The following UBE3B variants were observed in gnomAD, a reference collection of about 807,000 sequenced individuals.
UBE3B encodes ubiquitin protein ligase E3B, also known as ubiquitin-protein ligase E3B.
A neutral mutation model predicts 132.3 loss-of-function variants in UBE3B; 80 were observed. The ratio of observed to expected loss-of-function variants is 0.60; its 90% CI spans 0.50 to 0.73. UBE3B has a LOEUF of 0.73. Among genes scored for constraint, UBE3B ranks in the 30% least tolerant of loss-of-function variants. The probability of loss-of-function intolerance (pLI) is 0.00; values close to 1 mark genes in which losing one functional copy is unlikely to be tolerated. For synonymous variants in UBE3B, 487 were observed against 520.4 expected, an observed-to-expected ratio of 0.94 and a Z score of 0.87; for missense variants, 1,196 against 1,362.5, an observed-to-expected ratio of 0.88 and a Z score of 1.92.
chr12:109,522,665 C>T lies in UBE3B; in HGVS notation c.2364+1114C>T, dbSNP rs1046870412. On this transcript the variant is annotated intron_variant, in intron 21 of 27. Coordinates refer to ENST00000342494, the MANE Select transcript of UBE3B (RefSeq NM_130466.4). The surrounding 1 kb of genome is among the most constrained non-coding windows in gnomAD (Gnocchi z 4.2). ...CTCAGGGCCAAACTCCTTTCACTCTCGAATAATCCATTGTTCTCTCTGTCT... is the reference window on the plus strand; with the variant it reads ...CTCAGGGCCAAACTCCTTTCACTCTTGAATAATCCATTGTTCTCTCTGTCT... Among the ~76,000 whole-genome samples, 3 of 152,200 alleles carry T rather than the reference C, an allele frequency of 2.0e-5. No individual in the cohort carries two copies. The highest frequency in any genetic ancestry group is 1.9e-4 in the East Asian group (1 of 5,188).
chr12:109,525,619 C>T lies in UBE3B; in HGVS notation c.2569-739C>T, dbSNP rs796471974. On this transcript the variant is annotated intron_variant, in intron 23 of 27. Coordinates refer to ENST00000342494, the MANE Select transcript of UBE3B (RefSeq NM_130466.4). ...TATGTCCTTTGATTTTTAGGTGATC[C>T]ACGGAAGTGTTCTTGAAGTTGAAAG... is the stretch of plus-strand genomic sequence containing the variant. Among the ~76,000 whole-genome samples, 5 of 152,210 alleles carry T rather than the reference C, an allele frequency of 3.3e-5. 1 individual carries two copies. Among genetic ancestry groups the T allele is most frequent in the African/African-American group, 9.6e-5 (4 of 41,524 alleles).
Position 109,521,445 on chromosome 12 carries a change from C to A in UBE3B, c.2258C>A (p.Thr753Asn). The A allele has an allele frequency of 6.3e-7, 1 of 1,580,900 alleles. No homozygotes were observed. Among genetic ancestry groups the A allele is most frequent in the Non-Finnish European group, 8.6e-7 (1 of 1,157,650 alleles). Residue 753 changes from threonine to asparagine, a missense_variant, in exon 21 of 28, where the codon ACC becomes AAC. Physicochemically the swap from Thr to Asn is moderately conservative, Grantham distance 65. Transcript: ENST00000342494. The surrounding 1 kb of genome is among the most constrained non-coding windows in gnomAD (Gnocchi z 4.2). ...CCCCGTCTTTTTGCCTTGCAGACAA[C>A]CAGTGGGGATGAGAGGCTGTACCCC... The part of the protein sequence containing the change: ...FDPALNLFKT[T>N]SGDERLYPSP...
Position 109,497,801 on chromosome 12 carries a change from GATCT to G in UBE3B, c.714-12_714-9del. 1 of 1,613,712 alleles carries G rather than the reference GATCT, an allele frequency of 6.2e-7. No homozygotes were observed. Among genetic ancestry groups the G allele is most frequent in the Non-Finnish European group, 8.5e-7 (1 of 1,179,736 alleles). The stretch of plus-strand genomic sequence containing the variant: ...ACACGGAGACCTGTCTGAATGAGTG[GATCT>G]ATCTGTGTCTAGCCCTGTGATTGCT... On this transcript the variant is annotated splice_polypyrimidine_tract_variant and intron_variant, in intron 9 of 27. Coordinates refer to ENST00000342494, the MANE Select transcript of UBE3B (RefSeq NM_130466.4).
chr12:109,526,829 C>T (rs1038495254), intron 24 of UBE3B, among the ~76,000 whole-genome samples: 5 of 150,702 alleles, frequency 3.3e-5, no homozygotes, highest in Admixed American at 6.6e-5. Context: ...CAAGATCGCA[C>T]CAGCGCACTC....
In UBE3B at chr12:109,477,735, C is replaced by T. The variant is rs1592857305; in HGVS notation, c.-502C>T. Reference sequence around the variant, plus strand: ...AGACAGTGGCAGCTGCGGCCCCGACCCCAAGTGCGGGGACCTCCGGCGAAT... The same window carrying T: ...AGACAGTGGCAGCTGCGGCCCCGACTCCAAGTGCGGGGACCTCCGGCGAAT... On this transcript the variant is annotated 5_prime_UTR_variant, in exon 1 of 28. Transcript: ENST00000342494. 1 of 168,044 alleles carries T rather than the reference C, an allele frequency of 6.0e-6. No individual in the cohort carries two copies. The highest frequency in any genetic ancestry group is 6.4e-5 in the Admixed American group (1 of 15,512). 10.4% of individuals were successfully genotyped at this position (168,044 alleles called of 1,614,324 possible). A position where few individuals can be genotyped will look rare whatever the true frequency, so the allele number is the denominator to read the frequency against.
chr12:109,509,781 C>A, intron 16 of UBE3B, 67 bp downstream of exon 16: 1 of 950,604 alleles, frequency 1.1e-6, no homozygotes, highest in Non-Finnish European at 1.6e-6. Flanking sequence ...GAGTCTATGG[C>A]ATCAACTGAT....
chr12:109,491,139 A>T lies in UBE3B; in HGVS notation c.713+12A>T, dbSNP rs1555263679. ...TCTCTAGCGTTACGGTGAGTAAGAAACCATAGCTGAGGTGTTGGCATGTTC... is the reference window on the plus strand; with the variant it reads ...TCTCTAGCGTTACGGTGAGTAAGAATCCATAGCTGAGGTGTTGGCATGTTC... On this transcript the variant is annotated intron_variant, in intron 9 of 27. Transcript: ENST00000342494. 6.2e-7 allele frequency: 1 copy of T among 1,613,036 alleles called. No homozygotes were observed. Among genetic ancestry groups the T allele is most frequent in the South Asian group, 1.1e-5 (1 of 90,924 alleles).
intron 7 of UBE3B, among the ~76,000 whole-genome samples, chr12:109,489,256 C>T (rs758710259): frequency 1.3e-5 from 2 of 152,152 alleles, no homozygotes; most frequent in African/African-American, 2.4e-5. Context: ...ATAGATGTCG[C>T]TCATAGATAT....
chr12:109,529,095 A>G (rs1882684437), intron 24 of UBE3B, among the ~76,000 whole-genome samples: 1 of 152,168 alleles, frequency 6.6e-6, no homozygotes, highest in African/African-American at 2.4e-5. Context: ...CGGGAGTCAG[A>G]GGTCGCAGTG....
chr12:109,523,983 T>C lies in UBE3B; in HGVS notation c.2370T>C (p.Ile790=). The change falls in exon 22 of 28, where the codon ATT becomes ATC. Residue 790 remains isoleucine (I), a synonymous_variant. Coordinates refer to ENST00000342494, the MANE Select transcript of UBE3B (RefSeq NM_130466.4). ...KMLGKAVYEG[I]VVDVPFASFF... is the part of the protein sequence containing the mutation. ...CTGCTTCTCTGCTCTCCCAGGGAAT[T>C]GTGGTGGACGTGCCATTTGCATCCT... 1 of 1,613,958 alleles carries C rather than the reference T, an allele frequency of 6.2e-7. No homozygotes were observed. The highest frequency in any genetic ancestry group is 8.5e-7 in the Non-Finnish European group (1 of 1,180,020).
chr12:109,508,482 A>C (rs961292245), intron 15 of UBE3B: 10 of 981,734 alleles, frequency 1.0e-5, no homozygotes, highest in Non-Finnish European at 1.2e-5. Flanking sequence ...TTTTAAGCTT[A>C]TGCATCTTGT....
rs1882090004 is a variant in UBE3B at position 109,524,506 on chromosome 12, A to C, written c.2568+3A>C. The C allele has an allele frequency of 6.2e-7, 1 of 1,613,816 alleles. No homozygotes were observed. Among genetic ancestry groups the C allele is most frequent in the Non-Finnish European group, 8.5e-7 (1 of 1,179,738 alleles). On this transcript the variant is annotated splice_donor_region_variant and intron_variant, in intron 23 of 27. Coordinates refer to ENST00000342494, the MANE Select transcript of UBE3B (RefSeq NM_130466.4). ...ACGACGAGGACGTCATGGGTCAGGT[A>C]GGTCCGCCCTTTGGCTGAGCTCCCT...
chr12:109,525,069 C>T (rs1406097759), intron 23 of UBE3B, among the ~76,000 whole-genome samples: 2 of 152,138 alleles, frequency 1.3e-5, no homozygotes, highest in Admixed American at 6.5e-5. Flanking sequence ...GGAGAAACCA[C>T]GCCATGAGCT....
intron 14 of UBE3B, among the ~76,000 whole-genome samples, chr12:109,505,509 T>C (rs560602660): frequency 9.8e-5 from 15 of 152,386 alleles, no homozygotes; most frequent in African/African-American, 3.6e-4. Context: ...CAGTGTTAAC[T>C]GTTTCCTCTG....
intron 9 of UBE3B, among the ~76,000 whole-genome samples, chr12:109,494,558 C>T (rs147087801): frequency 6.6e-6 from 1 of 152,226 alleles, no homozygotes; most frequent in African/African-American, 2.4e-5. Flanking sequence ...CTCAACCCCC[C>T]ACCATGTCTG....
At chr12:109,518,549 C>T (rs573465629) in intron 19 of UBE3B, among the ~76,000 whole-genome samples, 207 of 152,290 alleles carry the variant, frequency 1.4e-3, no homozygotes, top group African/African-American at 4.8e-3. Flanking sequence ...CCTCTGCAGA[C>T]CCAGATGCAT....
intron 26 of UBE3B, among the ~76,000 whole-genome samples, chr12:109,533,046 C>T (rs1883108678): frequency 2.0e-5 from 3 of 152,156 alleles, no homozygotes; most frequent in South Asian, 2.1e-4. Context: ...GCCTCCGCCT[C>T]GCCCTCACCG....
intron 22 of UBE3B, 23 bp downstream of exon 22, chr12:109,524,138 G>A (rs927403033): frequency 5.0e-6 from 8 of 1,613,490 alleles, no homozygotes; most frequent in Non-Finnish European, 5.9e-6. Context: ...TGGTGGGTGA[G>A]CTAAGCCGAG....
At chr12:109,546,824 C>A in the UBE3B span, among the ~76,000 whole-genome samples, 7 of 152,188 alleles carry the variant, frequency 4.6e-5, no homozygotes, top group Non-Finnish European at 7.3e-5. Flanking sequence ...ATCCTCCCAC[C>A]TCAGCCTCCC....
Sources: gnomAD v4.1 joint callset for allele counts (sites outside exome capture counted in the v4.1 genomes callset) on GRCh38, gnomAD v4.1.1 for gene constraint, Gnocchi (gnomAD v3.1) non-coding constraint, MANE v1.5 for transcripts, NCBI Gene and HGNC (gene_info 2026-07-23, HGNC 2026-07-21) for gene names.